The following PADI6 variants were observed in gnomAD, a reference collection of about 807,000 sequenced individuals.
PADI6 encodes the protein inactive protein-arginine deiminase type-6.
A neutral mutation model predicts 78.2 loss-of-function variants in PADI6; 66 were observed. The observed-to-expected ratio is 0.84, with a 90% CI of 0.69 to 1.04. The LOEUF (loss-of-function observed/expected upper bound fraction) is 1.04. Among genes scored for constraint, PADI6 ranks in the 50% least tolerant of loss-of-function variants. The pLI is 0.00. For missense variants in PADI6, 854 were observed against 866.1 expected (o/e 0.99, Z 0.18); for synonymous variants, 397 against 346.9 (o/e 1.14, Z -1.60).
intron 6 of PADI6, among the ~76,000 whole-genome samples, chr1:17,383,132 G>A (rs925959645): frequency 3.9e-5 from 6 of 152,182 alleles, no homozygotes; most frequent in African/African-American, 4.8e-5. Context: ...GCTACGCAAC[G>A]CAGGGAGCTC....
intron 6 of PADI6, among the ~76,000 whole-genome samples, chr1:17,382,321 C>G (rs1349680233): frequency 6.6e-6 from 1 of 152,204 alleles, no homozygotes; most frequent in Non-Finnish European, 1.5e-5. Flanking sequence ...AAGCCACTTT[C>G]TCCACTTGTA....
At chr1:17,378,068 C>T (rs974573208) in intron 3 of PADI6, among the ~76,000 whole-genome samples, 1 of 152,144 alleles carries the variant, frequency 6.6e-6, no homozygotes. Context: ...CCTTGGGCTT[C>T]CTATTTCCCC....
chr1:17,380,808 C>T (rs775231160), intron 4 of PADI6, among the ~76,000 whole-genome samples: 10 of 152,136 alleles, frequency 6.6e-5, no homozygotes, highest in Non-Finnish European at 1.2e-4. Flanking sequence ...GATTCTCTGA[C>T]TCTGAAATAT....
At chr1:17,380,380 T>G (rs552092291) in intron 4 of PADI6, among the ~76,000 whole-genome samples, 3 of 152,212 alleles carry the variant, frequency 2.0e-5, no homozygotes, top group Admixed American at 1.3e-4. Context: ...TGGCTAATTT[T>G]TTTTTGAGAC....
chr1:17,387,459 G>A (rs796730765), intron 6 of PADI6, among the ~76,000 whole-genome samples: 21 of 107,568 alleles, frequency 2.0e-4, no homozygotes, highest in African/African-American at 6.2e-4. Context: ...AAGAAAAGGA[G>A]GGGGGGGGGC....
intron 6 of PADI6, among the ~76,000 whole-genome samples, chr1:17,384,873 G>A (rs917114988): frequency 1.3e-5 from 2 of 152,206 alleles, no homozygotes; most frequent in Non-Finnish European, 2.9e-5. Context: ...GTAAATCTAG[G>A]CCACAGAAAG....
chr1:17,387,068 G>T (rs1171348745), intron 6 of PADI6, among the ~76,000 whole-genome samples: 3 of 152,192 alleles, frequency 2.0e-5, no homozygotes, highest in Non-Finnish European at 4.4e-5. Context: ...GCCACATCGG[G>T]CACAGATAGA....
intron 8 of PADI6, 49 bp from the exon 9 acceptor site, chr1:17,392,065 T>C: frequency 6.8e-7 from 1 of 1,473,858 alleles, no homozygotes; most frequent in Non-Finnish European, 9.3e-7. Flanking sequence ...TCATAACCAG[T>C]AAGGGACCTT....
Position 17,381,171 on chromosome 1 carries a change from C to A in PADI6, c.553+7C>A, listed in dbSNP as rs764134342. Reference sequence around the variant, plus strand: ...AAAGTGATCTTTTCAGAGGGTAGGACCTCAGACTGTCTCTGCCTTTCCTTC... The same window carrying A: ...AAAGTGATCTTTTCAGAGGGTAGGAACTCAGACTGTCTCTGCCTTTCCTTC... On this transcript the variant is annotated splice_region_variant and intron_variant, in intron 5 of 15. Coordinates refer to ENST00000619609, the MANE Select transcript of PADI6 (RefSeq NM_207421.4). The A allele has an allele frequency of 1.3e-6, 2 of 1,582,004 alleles. No homozygotes were observed. Among genetic ancestry groups the A allele is most frequent in the Non-Finnish European group, 1.7e-6 (2 of 1,162,674 alleles).
At chr1:17,375,245 C>T (rs2075003818) in intron 2 of PADI6, among the ~76,000 whole-genome samples, 182 bp from the exon 3 acceptor site, 1 of 152,128 alleles carries the variant, frequency 6.6e-6, no homozygotes, top group African/African-American at 2.4e-5. Flanking sequence ...GTTCTAAGTC[C>T]TTAGGGGACT....
At chr1:17,398,468 T>G (rs1299544698) in intron 14 of PADI6, among the ~76,000 whole-genome samples, 1 of 152,144 alleles carries the variant, frequency 6.6e-6, no homozygotes, top group Admixed American at 6.5e-5. Context: ...GACTAAAGAC[T>G]AGGCCATTCC....
At chr1:17,389,281 C>T (rs750167586) in intron 8 of PADI6, among the ~76,000 whole-genome samples, 1 of 152,144 alleles carries the variant, frequency 6.6e-6, no homozygotes, top group Non-Finnish European at 1.5e-5. Flanking sequence ...GCCCTGTGGG[C>T]CCTGGGTGTT....
At chr1:17,379,322 G>C (rs571217223) in intron 3 of PADI6, among the ~76,000 whole-genome samples, 8 of 144,708 alleles carry the variant, frequency 5.5e-5, no homozygotes, top group Non-Finnish European at 1.0e-4. Flanking sequence ...CACCGTGTTA[G>C]CCAGGATGGT....
At position 17,398,804 on chromosome 1, in the gene PADI6, A is replaced by G. The variant is rs1449347488; in HGVS notation, c.1808A>G (p.Gln603Arg). 3 of 1,613,230 alleles carry G rather than the reference A, an allele frequency of 1.9e-6. No homozygotes were observed. ...AAGCTGACTAACATCCCCTCTGACC[A>G]GCAGCCCAAGAGGTCCTTTGCGAGG... ...LEKLTNIPSD[Q>R]QPKRSFARPY... Residue 603 changes from glutamine (Q) to arginine (R), a missense_variant, in exon 15 of 16, where the codon CAG becomes CGG. Coordinates refer to ENST00000619609, the MANE Select transcript of PADI6 (RefSeq NM_207421.4).
chr1:17,397,010 C>T (rs1315163752), intron 13 of PADI6, 61 bp from the exon 14 acceptor site: 2 of 1,554,604 alleles, frequency 1.3e-6, no homozygotes, highest in Admixed American at 1.7e-5. Context: ...CGAGTGTGCC[C>T]AGCTCTGGGC....
intron 2 of PADI6, among the ~76,000 whole-genome samples, chr1:17,374,142 C>T (rs1015468252): frequency 6.6e-6 from 1 of 152,096 alleles, no homozygotes; most frequent in African/African-American, 2.4e-5. Context: ...CAGGTGCACC[C>T]AGTGCGGGGC....
Position 17,398,654 on chromosome 1 carries a change from G to GCCCCCCCCCC in PADI6, c.1690-30_1690-21dup. 7 of 173,476 alleles carry GCCCCCCCCCC rather than the reference G, an allele frequency of 4.0e-5. 1 individual carries two copies. The highest frequency in any genetic ancestry group is 5.1e-5 in the South Asian group (1 of 19,736). 10.7% of individuals were successfully genotyped at this position (173,476 alleles called of 1,614,324 possible). A position where few individuals can be genotyped will look rare whatever the true frequency, so the allele number is the denominator to read the frequency against. On this transcript the variant is annotated intron_variant, in intron 14 of 15. Coordinates refer to ENST00000619609, the MANE Select transcript of PADI6 (RefSeq NM_207421.4). ...CCTGATGAGCTCTCCTTGCTCCCCC[G>GCCCCCCCCCC]CCCCCCCCCCCACCCACCCACCCAC...
chr1:17,388,389 TC>T lies in PADI6; in HGVS notation c.690del (p.Ser231ValfsTer23). On this transcript the variant is annotated frameshift_variant, in exon 7 of 16. Transcript: ENST00000619609. LOFTEE classifies it high-confidence loss of function. ...ARVYWPQKDN[S>X]STFELVLGPD... ...CCTTCTTTCTCTCCTAGAAGACAAC[TC>T]CAGTACCTTTGAGTTGGTGCTGGGG... 6.2e-7 allele frequency: 1 copy of T among 1,612,102 alleles called. No individual in the cohort carries two copies. The highest frequency in any genetic ancestry group is 1.1e-5 in the South Asian group (1 of 90,646).
chr1:17,384,182 A>G (rs545022451), intron 6 of PADI6, among the ~76,000 whole-genome samples: 1 of 152,064 alleles, frequency 6.6e-6, no homozygotes, highest in African/African-American at 2.4e-5. Context: ...GCAACACAGC[A>G]TGTTATGTTT....
Sources: gnomAD v4.1 joint callset for allele counts (sites outside exome capture counted in the v4.1 genomes callset) on GRCh38, gnomAD v4.1.1 for gene constraint, MANE v1.5 for transcripts, NCBI Gene and HGNC (gene_info 2026-07-23, HGNC 2026-07-21) for gene names.